GATB: variants seen among roughly 807,000 people sequenced by gnomAD.
GATB encodes the protein glutamyl-tRNA amidotransferase subunit B, also known as glutamyl-tRNA(Gln) amidotransferase subunit B, mitochondrial.
GATB carries 39 observed loss-of-function variants against 62.3 expected under a neutral mutation model. That is an observed-to-expected ratio of 0.63 (90% CI 0.48 to 0.82). The LOEUF (loss-of-function observed/expected upper bound fraction) is 0.82. Ranked by LOEUF, GATB falls within the 40% of genes least tolerant of loss-of-function variation. GATB has a pLI of 0.00. For synonymous variants in GATB, 276 were observed against 258.9 expected (o/e 1.07, Z -0.63); for missense variants, 670 against 684.0 (o/e 0.98, Z 0.23).
rs1358295715 is a variant in GATB, at chr4:151,708,093, A to C, written c.772T>G (p.Leu258Val). ...TSQANMAEGQLRVDANISVHH... is the reference protein window; with the variant it reads ...TSQANMAEGQVRVDANISVHH... ...ACGGATATATTGGCATCCACTCTCAACTGGCCCTCTGGAAGGAGAGAAGAA... is the reference window on the plus strand; with the variant it reads ...ACGGATATATTGGCATCCACTCTCACCTGGCCCTCTGGAAGGAGAGAAGAA... The change falls in exon 6 of 13, where the codon TTG (leucine) becomes GTG (valine). Residue 258 changes from leucine to valine, a missense_variant. Transcript: ENST00000263985. The C allele has an allele frequency of 1.2e-6, 2 of 1,610,644 alleles. No homozygotes were observed. The highest frequency in any genetic ancestry group is 2.7e-5 in the African/African-American group (2 of 74,870).
chr4:151,747,349 G>A (rs1739623045), intron 2 of GATB, among the ~76,000 whole-genome samples: 1 of 152,192 alleles, frequency 6.6e-6, no homozygotes, highest in Non-Finnish European at 1.5e-5. Context: ...TGCTGTGGAG[G>A]AGGCCAGCTA....
chr4:151,682,251 T>C (rs1365360137), intron 10 of GATB, among the ~76,000 whole-genome samples: 3 of 152,166 alleles, frequency 2.0e-5, no homozygotes, highest in African/African-American at 2.4e-5. Context: ...ACAGGCTTCC[T>C]CACACCCATA....
intron 10 of GATB, among the ~76,000 whole-genome samples, chr4:151,686,456 C>A (rs1406195809): frequency 6.6e-6 from 1 of 152,068 alleles, no homozygotes; most frequent in Non-Finnish European, 1.5e-5. Flanking sequence ...CTTCACTCCC[C>A]GGGATGCTGC....
chr4:151,695,403 C>G lies in GATB; in HGVS notation c.1197+5926G>C, dbSNP rs116882096. Among the ~76,000 whole-genome samples the G allele has an allele frequency of 1.3e-3, 203 of 152,284 alleles. 1 individual carries two copies. The highest frequency in any genetic ancestry group is 0.012 in the East Asian group (60 of 5,168). The stretch of plus-strand genomic sequence containing the variant: ...AGGTCAGATGTGGAATCAAGGGTGT[C>G]TGTCCCCAAGTCAGTGTTTTAACTC... On this transcript the variant is annotated intron_variant, in intron 9 of 12. Coordinates refer to ENST00000263985, the MANE Select transcript of GATB (RefSeq NM_004564.3).
chr4:151,700,589 G>C (rs894559886), intron 9 of GATB, among the ~76,000 whole-genome samples: 1 of 152,292 alleles, frequency 6.6e-6, no homozygotes, highest in South Asian at 2.1e-4. Context: ...CCAAAAGATA[G>C]GTGTGGCATA....
At chr4:151,676,151 G>GTAAA (rs1737996525) in intron 11 of GATB, 1 of 152,192 alleles carries the variant, frequency 6.6e-6, no homozygotes, top group South Asian at 2.1e-4. Flanking sequence ...CCCTAATAAA[G>GTAAA]CGGGGCCCAG....
chr4:151,689,617 G>T (rs1020657978), intron 9 of GATB, among the ~76,000 whole-genome samples: 2 of 152,048 alleles, frequency 1.3e-5, no homozygotes, highest in Non-Finnish European at 2.9e-5. Context: ...TTAGGTTGGT[G>T]CAAAAGTAAC....
At chr4:151,732,588 TGC>T (rs1739290848) in intron 2 of GATB, among the ~76,000 whole-genome samples, 1 of 152,102 alleles carries the variant, frequency 6.6e-6, no homozygotes, top group African/African-American at 2.4e-5. Flanking sequence ...TGCGGAAGGC[TGC>T]AGGGTCCTCT....
At chr4:151,739,974 C>G (rs998511788) in intron 2 of GATB, among the ~76,000 whole-genome samples, 4 of 152,174 alleles carry the variant, frequency 2.6e-5, no homozygotes, top group Non-Finnish European at 4.4e-5. Context: ...GAAGCAAGTT[C>G]GTCCTCTACA....
intron 2 of GATB, among the ~76,000 whole-genome samples, chr4:151,729,622 G>T (rs866220026): frequency 1.3e-5 from 2 of 151,600 alleles, no homozygotes; most frequent in Non-Finnish European, 2.9e-5. Context: ...CTCATCCAAA[G>T]GAGGAAAAAA....
At position 151,719,413 on chromosome 4, in the gene GATB, A is replaced by C; in HGVS notation, c.441+12T>G. On this transcript the variant is annotated intron_variant, in intron 3 of 12. Transcript: ENST00000263985. Reference sequence around the variant, plus strand: ...AGAACTTGCAGTGGGGTGGATCACAAAGTGTACTTACAGGGAGGTCTGCAT... The same window carrying C: ...AGAACTTGCAGTGGGGTGGATCACACAGTGTACTTACAGGGAGGTCTGCAT... 6.3e-7 allele frequency: 1 copy of C among 1,585,604 alleles called. No homozygotes were observed. The highest frequency in any genetic ancestry group is 8.7e-7 in the Non-Finnish European group (1 of 1,155,294).
At chr4:151,711,352 C>T (rs1232486666) in intron 5 of GATB, among the ~76,000 whole-genome samples, 1 of 152,202 alleles carries the variant, frequency 6.6e-6, no homozygotes, top group Non-Finnish European at 1.5e-5. Context: ...GGGTTGAGAG[C>T]TAAACTTCTT....
intron 2 of GATB, among the ~76,000 whole-genome samples, chr4:151,741,360 C>T (rs1739481814): frequency 6.6e-6 from 1 of 152,150 alleles, no homozygotes; most frequent in South Asian, 2.1e-4. Context: ...CAGTAGTGTA[C>T]AAAATTCATT....
intron 5 of GATB, 110 bp downstream of exon 5, chr4:151,715,899 T>C (rs1738902684): frequency 6.5e-6 from 8 of 1,233,960 alleles, no homozygotes; most frequent in African/African-American, 1.6e-5. Flanking sequence ...GGGGAAAAAA[T>C]GGCTGCAAAC....
intron 5 of GATB, among the ~76,000 whole-genome samples, chr4:151,714,186 C>A (rs1458896838): frequency 6.6e-6 from 1 of 152,164 alleles, no homozygotes. Flanking sequence ...CTGGTCTATG[C>A]TCATCAGCAA....
intron 9 of GATB, among the ~76,000 whole-genome samples, chr4:151,689,869 T>G (rs1738328447): frequency 2.0e-5 from 3 of 152,152 alleles, no homozygotes; most frequent in Admixed American, 2.0e-4. Flanking sequence ...CAGATAGTTT[T>G]GACACAATCA....
At position 151,701,341 on chromosome 4, in the gene GATB, G is replaced by A; in HGVS notation, c.1185C>T (p.Ser395=). The A allele has an allele frequency of 1.3e-6, 2 of 1,556,010 alleles. No individual in the cohort carries two copies. The highest frequency in any genetic ancestry group is 1.7e-6 in the Non-Finnish European group (2 of 1,149,490). The change falls in exon 9 of 13, where the codon AGC becomes AGT. Residue 395 remains serine, a synonymous_variant. Coordinates refer to ENST00000263985, the MANE Select transcript of GATB (RefSeq NM_004564.3). ...GATCGATACCTACCAGCAAAGTGAA[G>A]CTGTGTTCCAGCAGCATCCCATACT... ...VQQYGMLLEH[S]FTLLNEVGLL...
At chr4:151,753,385 T>G (rs990086225) in intron 2 of GATB, among the ~76,000 whole-genome samples, 4 of 152,126 alleles carry the variant, frequency 2.6e-5, no homozygotes, top group African/African-American at 9.7e-5. Flanking sequence ...ACACATCATC[T>G]CAGTTCTCGC....
At chr4:151,679,631 T>A (rs1245908249) in intron 11 of GATB, among the ~76,000 whole-genome samples, 182 bp downstream of exon 11, 1 of 152,224 alleles carries the variant, frequency 6.6e-6, no homozygotes, top group Admixed American at 6.5e-5. Flanking sequence ...ACTGCCTGCA[T>A]TGCACATATT....
Sources: gnomAD v4.1 joint callset for allele counts (sites outside exome capture counted in the v4.1 genomes callset) on GRCh38, gnomAD v4.1.1 for gene constraint, MANE v1.5 for transcripts, NCBI Gene and HGNC (gene_info 2026-07-23, HGNC 2026-07-21) for gene names.